Variants in PAPPA2 observed in about 807,000 individuals in gnomAD.
PAPPA2 encodes the protein pappalysin-2.
Under a neutral mutation model 176.4 loss-of-function variants are expected in PAPPA2, and 86 were observed. The observed-to-expected ratio is 0.49, with a 90% CI of 0.41 to 0.58. The LOEUF (loss-of-function observed/expected upper bound fraction) is 0.58, where lower values mean the gene tolerates loss of function less well. PAPPA2 is among the 20% of genes least tolerant of loss of function. The probability of loss-of-function intolerance (pLI) is 0.00; values close to 1 mark genes in which losing one functional copy is unlikely to be tolerated. For synonymous variants in PAPPA2, 809 were observed against 852.2 expected (o/e 0.95, Z 0.88); for missense variants, 2,073 against 2,256.9 (o/e 0.92, Z 1.65).
At position 176,595,173 on chromosome 1, in the gene PAPPA2, G is replaced by A. The variant is rs575093299; in HGVS notation, c.1569G>A (p.Lys523=). The A allele has an allele frequency of 6.3e-5, 101 of 1,614,200 alleles. No individual in the cohort carries two copies. The highest frequency in any genetic ancestry group is 3.3e-4 in the Middle Eastern group (2 of 6,062). Residue 523 remains lysine, a synonymous_variant, in exon 3 of 23, where the codon AAG becomes AAA. Coordinates refer to ENST00000367662, the MANE Select transcript of PAPPA2 (RefSeq NM_020318.3). ...YNGYWPLRGE[K]VIRYQVVNIC... is the part of the protein sequence containing the mutation. ...GATACTGGCCCCTTCGGGGAGAGAA[G>A]GTGATACGCTACCAGGTGGTGAACA...
chr1:176,810,249 G>A (rs542597986), intron 21 of PAPPA2, among the ~76,000 whole-genome samples: 1 of 152,182 alleles, frequency 6.6e-6, no homozygotes, highest in East Asian at 1.9e-4. Context: ...AGGCAGTTTT[G>A]CATTCATCCA....
chr1:176,768,841 A>G (rs924041841), intron 15 of PAPPA2, among the ~76,000 whole-genome samples: 2 of 152,204 alleles, frequency 1.3e-5, no homozygotes, highest in Non-Finnish European at 2.9e-5. Context: ...CCTTGTATGC[A>G]TTAACTCTCA....
chr1:176,677,996 T>C (rs1482692928), intron 4 of PAPPA2, among the ~76,000 whole-genome samples: 1 of 152,166 alleles, frequency 6.6e-6, no homozygotes, highest in Non-Finnish European at 1.5e-5. Flanking sequence ...AAGTGCCTAA[T>C]TGTGCTGAAA....
chr1:176,710,104 C>T lies in PAPPA2; in HGVS notation c.3579C>T (p.Thr1193=). ...AAGGATACTTGGATCAATGGGCTAC[C>T]CGGGCTTACTCCTCTCATGAAGACA... ...TPKGYLDQWA[T]RAYSSHEDKK... The change falls in exon 11 of 23, where the codon ACC becomes ACT. Residue 1193 remains threonine (T), a synonymous_variant. Coordinates refer to ENST00000367662, the MANE Select transcript of PAPPA2 (RefSeq NM_020318.3). The T allele has an allele frequency of 1.6e-5, 26 of 1,613,842 alleles. No individual in the cohort carries two copies. The highest frequency in any genetic ancestry group is 2.2e-5 in the Non-Finnish European group (26 of 1,179,836).
intron 3 of PAPPA2, among the ~76,000 whole-genome samples, chr1:176,620,254 G>A (rs1437009812): frequency 6.6e-6 from 1 of 152,046 alleles, no homozygotes; most frequent in Non-Finnish European, 1.5e-5. Context: ...ATCACCTTGG[G>A]CATTAGGATT....
At chr1:176,683,685 G>A (rs945310395) in intron 4 of PAPPA2, among the ~76,000 whole-genome samples, 1 of 152,014 alleles carries the variant, frequency 6.6e-6, no homozygotes, top group African/African-American at 2.4e-5. Context: ...TACCTGAGAT[G>A]ACCCTGGTTC....
chr1:176,597,216 T>C (rs1654033626), intron 3 of PAPPA2, among the ~76,000 whole-genome samples: 1 of 152,184 alleles, frequency 6.6e-6, no homozygotes, highest in Non-Finnish European at 1.5e-5. Flanking sequence ...GCAAGTCACG[T>C]TCGGAAACTC....
intron 1 of PAPPA2, among the ~76,000 whole-genome samples, chr1:176,477,457 A>G (rs1488747608): frequency 2.0e-5 from 3 of 152,208 alleles, no homozygotes; most frequent in African/African-American, 4.8e-5. Flanking sequence ...AGTTTAATTA[A>G]AAGTTATGGT....
intron 3 of PAPPA2, among the ~76,000 whole-genome samples, chr1:176,603,959 A>G (rs1271984001): frequency 1.3e-5 from 2 of 152,202 alleles, no homozygotes; most frequent in Non-Finnish European, 2.9e-5. Flanking sequence ...ACTCTGATCT[A>G]TAGGGTCATA....
At chr1:176,812,846 C>T (rs1666216385) in intron 21 of PAPPA2, among the ~76,000 whole-genome samples, 1 of 151,480 alleles carries the variant, frequency 6.6e-6, no homozygotes, top group South Asian at 2.1e-4. Context: ...CATAGGTGAA[C>T]ATGTGCCATA....
chr1:176,533,477 T>A (rs1460297918), intron 1 of PAPPA2, among the ~76,000 whole-genome samples: 1 of 152,238 alleles, frequency 6.6e-6, no homozygotes, highest in Admixed American at 6.5e-5. Context: ...AAGTGTTTTG[T>A]TTCTTCAGAC....
intron 17 of PAPPA2, among the ~76,000 whole-genome samples, chr1:176,775,350 G>A (rs1664408950): frequency 6.6e-6 from 1 of 152,046 alleles, no homozygotes; most frequent in African/African-American, 2.4e-5. Flanking sequence ...GAAAGGAGAG[G>A]TTTTTCTTAT....
intron 1 of PAPPA2, among the ~76,000 whole-genome samples, chr1:176,495,241 A>G (rs1647536935): frequency 6.6e-6 from 1 of 152,178 alleles, no homozygotes; most frequent in Admixed American, 6.5e-5. Flanking sequence ...TCTTTTATAA[A>G]TCAGGAAACT....
chr1:176,805,059 TTCCC>T (rs1665841582), intron 21 of PAPPA2, among the ~76,000 whole-genome samples: 1 of 104,686 alleles, frequency 9.6e-6, no homozygotes. Context: ...ACCTTCTTCC[TTCCC>T]TTCCTTCCTT....
At chr1:176,581,711 T>C (rs1506780) in intron 2 of PAPPA2, among the ~76,000 whole-genome samples, 11,810 of 152,142 alleles carry the variant, frequency 0.078, 1,510 homozygotes, top group African/African-American at 0.27. Context: ...TTATTGCTTC[T>C]GTAGCTATTC....
At position 176,690,325 on chromosome 1, in the gene PAPPA2, C is replaced by A; in HGVS notation, c.2326C>A (p.Pro776Thr). ...ETGDLCADTA[P>T]TPKSELCREP... ...GGGAGACCTCTGTGCCGACACCGCC[C>A]CCACTCCCAAGAGTGAGCTGTGCCG... Residue 776 changes from proline to threonine, a missense_variant, in exon 5 of 23, where the codon CCC becomes ACC. Transcript: ENST00000367662. 1 of 1,614,142 alleles carries A rather than the reference C, an allele frequency of 6.2e-7. No homozygotes were observed. The highest frequency in any genetic ancestry group is 1.1e-5 in the South Asian group (1 of 91,078).
intron 2 of PAPPA2, among the ~76,000 whole-genome samples, chr1:176,571,566 C>T (rs1185656384): frequency 6.6e-6 from 1 of 152,178 alleles, no homozygotes; most frequent in Non-Finnish European, 1.5e-5. Flanking sequence ...GGACTTGCTC[C>T]AAAGATGCTG....
intron 1 of PAPPA2, among the ~76,000 whole-genome samples, chr1:176,514,737 G>A (rs1648810171): frequency 6.6e-6 from 1 of 152,184 alleles, no homozygotes; most frequent in Non-Finnish European, 1.5e-5. Flanking sequence ...AGGAAATTTT[G>A]ACTTTGAATC....
At chr1:176,716,852 C>T (rs1661401550) in intron 12 of PAPPA2, among the ~76,000 whole-genome samples, 1 of 151,964 alleles carries the variant, frequency 6.6e-6, no homozygotes, top group Non-Finnish European at 1.5e-5. Flanking sequence ...ACCTCGTGAT[C>T]CGCCCATCTC....
Sources: gnomAD v4.1 joint callset for allele counts (sites outside exome capture counted in the v4.1 genomes callset) on GRCh38, gnomAD v4.1.1 for gene constraint, MANE v1.5 for transcripts, NCBI Gene and HGNC (gene_info 2026-07-23, HGNC 2026-07-21) for gene names.